The following KDM6A variants were observed in gnomAD, a reference collection of about 807,000 sequenced individuals.
KDM6A encodes the protein lysine demethylase 6A.
In KDM6A, 11 loss-of-function variants were observed where a neutral mutation model predicts 117.6. The ratio of observed to expected loss-of-function variants is 0.09; its 90% confidence interval spans 0.06 to 0.15. The LOEUF (loss-of-function observed/expected upper bound fraction) is 0.15. KDM6A is among the 10% of genes least tolerant of loss of function. The pLI is 1.00. For missense variants in KDM6A, 799 were observed against 1,077.3 expected (o/e 0.74, Z 3.62); for synonymous variants, 384 against 396.1 (o/e 0.97, Z 0.36).
At chrX:45,079,949 A>G (rs1184507094) in intron 21 of KDM6A, among the ~76,000 whole-genome samples, 1 of 112,129 alleles carries the variant, frequency 8.9e-6, no homozygotes, top group East Asian at 2.8e-4. Context: ...CATTTCTGGG[A>G]TACTTTTTTT....
intron 18 of KDM6A, among the ~76,000 whole-genome samples, chrX:45,072,866 AATATAT>A (rs35510523): frequency 9.5e-6 from 1 of 105,444 alleles, no homozygotes; most frequent in Non-Finnish European, 1.9e-5. Context: ...AAAATATAAT[AATATAT>A]ATATATATAC....
chrX:45,060,445 C>T (rs1243892662), intron 13 of KDM6A, among the ~76,000 whole-genome samples, 164 bp from the exon 14 acceptor site: 1 of 112,155 alleles, frequency 8.9e-6, no homozygotes, highest in Non-Finnish European at 1.9e-5. Context: ...AAGGAAGGTA[C>T]ACATTATTCC....
chrX:45,086,044 T>A (rs1242904058), intron 25 of KDM6A, 65 bp downstream of exon 25: 1 of 639,069 alleles, frequency 1.6e-6, no homozygotes. Flanking sequence ...AACGACAACT[T>A]ACCAAGCTGG....
intron 8 of KDM6A, among the ~76,000 whole-genome samples, chrX:45,043,896 CAT>C (rs1484939858): frequency 3.6e-5 from 4 of 112,490 alleles, no homozygotes; most frequent in African/African-American, 1.3e-4. Flanking sequence ...CAAAGGATCA[CAT>C]ATATGATGGT....
chrX:44,983,279 A>C (rs2040002247), intron 4 of KDM6A, among the ~76,000 whole-genome samples: 1 of 111,653 alleles, frequency 9.0e-6, no homozygotes, highest in South Asian at 3.7e-4. Context: ...AACTAGTGGA[A>C]TCTGTGCTCA....
At chrX:45,076,921 C>A in intron 19 of KDM6A, 95 bp downstream of exon 19, 5 of 791,029 alleles carry the variant, frequency 6.3e-6, no homozygotes, top group Non-Finnish European at 9.5e-6. Flanking sequence ...CTTTAGGAAA[C>A]ATTACAATTA....
At chrX:44,944,732 T>C (rs1398711323) in intron 2 of KDM6A, among the ~76,000 whole-genome samples, 1 of 112,407 alleles carries the variant, frequency 8.9e-6, no homozygotes. Flanking sequence ...TGTTAGTTTA[T>C]AGAAATGTAA....
At chrX:44,935,009 C>T (rs1311114126) in intron 2 of KDM6A, among the ~76,000 whole-genome samples, 5 of 111,241 alleles carry the variant, frequency 4.5e-5, no homozygotes, top group African/African-American at 1.6e-4. Flanking sequence ...GGCATTTTCT[C>T]TTATTGTGGT....
intron 27 of KDM6A, among the ~76,000 whole-genome samples, chrX:45,099,295 CTT>C (rs11380643): frequency 8.9e-5 from 9 of 101,026 alleles, no homozygotes; most frequent in Non-Finnish European, 6.1e-5. Flanking sequence ...CCAAAAATGT[CTT>C]TTTTTTTTTT....
At chrX:45,042,217 G>T (rs1291187558) in intron 8 of KDM6A, among the ~76,000 whole-genome samples, 5 of 93,198 alleles carry the variant, frequency 5.4e-5, no homozygotes, top group Non-Finnish European at 8.3e-5. Flanking sequence ...GTCCAGCTTC[G>T]GCTCGGCATC....
intron 2 of KDM6A, among the ~76,000 whole-genome samples, chrX:44,933,135 C>G (rs2036746696): frequency 2.7e-5 from 3 of 109,897 alleles, no homozygotes; most frequent in Non-Finnish European, 5.7e-5. Flanking sequence ...ATCTGCCCAC[C>G]TCTGCCTCCC....
chrX:45,096,517 G>C (rs1235738688), intron 27 of KDM6A, among the ~76,000 whole-genome samples: 1 of 111,871 alleles, frequency 8.9e-6, no homozygotes, highest in Non-Finnish European at 1.9e-5. Flanking sequence ...GGGCAGCATA[G>C]AGGAAGGTTC....
chrX:44,887,623 G>A (rs1479952971), intron 2 of KDM6A, among the ~76,000 whole-genome samples: 1 of 111,274 alleles, frequency 9.0e-6, no homozygotes, highest in Non-Finnish European at 1.9e-5. Flanking sequence ...TGATCCTGGA[G>A]AACCTATGGC....
At chrX:45,016,835 G>A (rs2041991158) in intron 5 of KDM6A, among the ~76,000 whole-genome samples, 1 of 111,203 alleles carries the variant, frequency 9.0e-6, no homozygotes. Flanking sequence ...CAAATGTACT[G>A]GAACTGTGCT....
chrX:45,044,039 G>T (rs2043417331), intron 8 of KDM6A, among the ~76,000 whole-genome samples: 2 of 111,717 alleles, frequency 1.8e-5, no homozygotes, highest in Non-Finnish European at 3.8e-5. Flanking sequence ...ATAGTAACAT[G>T]CTGTACAGGT....
At chrX:44,901,316 G>A (rs1394952444) in intron 2 of KDM6A, among the ~76,000 whole-genome samples, 3 of 110,792 alleles carry the variant, frequency 2.7e-5, no homozygotes, top group African/African-American at 9.9e-5. Flanking sequence ...GAGAGGCAGA[G>A]GTTGCAGTGA....
At chrX:45,044,563 CCA>C (rs1439690301) in intron 8 of KDM6A, among the ~76,000 whole-genome samples, 5 of 111,849 alleles carry the variant, frequency 4.5e-5, no homozygotes, top group African/African-American at 1.6e-4. Flanking sequence ...TTAAATCCTT[CCA>C]GAGAAACTCA....
At chrX:45,041,177 AC>A (rs1156361064) in intron 8 of KDM6A, among the ~76,000 whole-genome samples, 11 of 37,568 alleles carry the variant, frequency 2.9e-4, no homozygotes, top group African/African-American at 1.1e-3. Context: ...CAGGGGGCTG[AC>A]CCCCCCCTCC....
chrX:44,996,844 C>T (rs921014836), intron 4 of KDM6A, among the ~76,000 whole-genome samples: 1 of 111,572 alleles, frequency 9.0e-6, no homozygotes, highest in Non-Finnish European at 1.9e-5. Flanking sequence ...CGTTTTCTAC[C>T]ATTTATAGGG....
Sources: allele counts gnomAD v4.1 joint callset (sites outside exome capture counted in the v4.1 genomes callset), GRCh38; gene constraint gnomAD v4.1.1; transcripts MANE v1.5; gene names NCBI Gene and HGNC (gene_info 2026-07-23, HGNC 2026-07-21).